Variants in SNX27 observed in about 807,000 individuals in gnomAD.
SNX27 encodes the protein sorting nexin 27, also known as sorting nexin-27.
In SNX27, 22 loss-of-function variants were observed where a neutral mutation model predicts 71.6. The observed-to-expected ratio is 0.31, with a 90% CI of 0.22 to 0.44. The LOEUF is 0.44. SNX27 is among the 20% of genes least tolerant of loss of function. The pLI is 1.00. For missense variants in SNX27, 531 were observed against 698.6 expected (o/e 0.76, Z 2.70); for synonymous variants, 269 against 277.2 (o/e 0.97, Z 0.29).
rs376664632 is a variant in SNX27 at position 151,668,503 on chromosome 1, C to T, written c.1017C>T (p.His339=). ...VRKLAPNEFP[H]KLYIQNYTSA... ...AATTGGCACCTAATGAGTTTCCTCA[C>T]AAACTCTACATTCAGAATTATACAT... The change falls in exon 7 of 12, where the codon CAC becomes CAT. Residue 339 remains histidine (H), a synonymous_variant. Transcript: ENST00000458013. 22 of 1,613,144 alleles carry T rather than the reference C, an allele frequency of 1.4e-5. No homozygotes were observed. The African/African-American group carries it at 2.3e-4, about 17-fold the overall frequency.
chr1:151,648,001 A>C (rs978086196), intron 2 of SNX27, among the ~76,000 whole-genome samples: 19 of 152,168 alleles, frequency 1.2e-4, no homozygotes, highest in Middle Eastern at 3.4e-3. Flanking sequence ...TTAAAAAAAA[A>C]AACAACAAAA....
chr1:151,676,322 T>C (rs1235545410), intron 7 of SNX27: 1 of 85,474 alleles, frequency 1.2e-5, no homozygotes, highest in Non-Finnish European at 2.2e-5. Flanking sequence ...TTTTTTTTTT[T>C]TGAGACAGAG....
intron 2 of SNX27, among the ~76,000 whole-genome samples, chr1:151,653,224 C>A (rs1228721451): frequency 6.6e-6 from 1 of 151,906 alleles, no homozygotes; most frequent in Non-Finnish European, 1.5e-5. Context: ...CCGCACCCAG[C>A]CTTTTTTTTT....
intron 1 of SNX27, among the ~76,000 whole-genome samples, chr1:151,623,601 T>C (rs570030007): frequency 1.3e-5 from 2 of 152,098 alleles, no homozygotes; most frequent in South Asian, 2.1e-4. Context: ...GGTCCCACTT[T>C]GTTGCCCAGA....
rs185831765 is a variant in SNX27, at chr1:151,657,890, A to C, written c.544-345A>C. On this transcript the variant is annotated intron_variant, in intron 2 of 11. Coordinates refer to ENST00000458013, the MANE Select transcript of SNX27 (RefSeq NM_001330723.2). ...GTGGCGGATGCCTGTAATCCCAGCTATTCAGGAGGCTGAGGCAGGAGAATT... is the reference window on the plus strand; with the variant it reads ...GTGGCGGATGCCTGTAATCCCAGCTCTTCAGGAGGCTGAGGCAGGAGAATT... 7.3e-3 allele frequency among the ~76,000 whole-genome samples: 1,107 copies of C among 152,222 alleles called. 4 individuals are homozygous for C. The highest frequency in any genetic ancestry group is 0.012 in the Non-Finnish European group (824 of 68,008).
intron 2 of SNX27, among the ~76,000 whole-genome samples, chr1:151,642,488 T>C (rs1558047534): frequency 6.6e-6 from 1 of 152,176 alleles, no homozygotes; most frequent in Non-Finnish European, 1.5e-5. Context: ...AATTTTGATA[T>C]AGTCTCGTTT....
At chr1:151,624,384 CT>C (rs1366684623) in intron 1 of SNX27, among the ~76,000 whole-genome samples, 185 of 135,654 alleles carry the variant, frequency 1.4e-3, no homozygotes, top group African/African-American at 5.0e-3. Flanking sequence ...AATAAATGAG[CT>C]TTTTTTTTCT....
intron 2 of SNX27, among the ~76,000 whole-genome samples, chr1:151,652,185 G>A (rs1669428744): frequency 7.5e-6 from 1 of 133,670 alleles, no homozygotes; most frequent in Non-Finnish European, 1.6e-5. Flanking sequence ...ACCGTGGAAA[G>A]AGAGGGAGAG....
rs1376627056 is a variant in SNX27, at chr1:151,696,804, C to T, written c.*2387C>T. ...AGCTGGGATTACAGGCATACACCAC[C>T]ACGCCCCACTAATTTTTTGTATTTT... On this transcript the variant is annotated 3_prime_UTR_variant, in exon 12 of 12. Coordinates refer to ENST00000458013, the MANE Select transcript of SNX27 (RefSeq NM_001330723.2). 6.6e-6 allele frequency: 1 copy of T among 151,996 alleles called. No homozygotes were observed. Among genetic ancestry groups the T allele is most frequent in the African/African-American group, 2.4e-5 (1 of 41,334 alleles). The allele number at this position is 151,996 out of a possible 1,614,324, so 9.4% of individuals were successfully genotyped here.
chr1:151,693,387 T>C lies in SNX27; in HGVS notation c.1519-37T>C, dbSNP rs547649312. On this transcript the variant is annotated intron_variant, in intron 10 of 11. Transcript: ENST00000458013. ...AGGCACAGTCCTGAGATGCCTGCTC[T>C]TGAGAAGTTAGTGAGTGTCACCACC... is the stretch of plus-strand genomic sequence containing the variant. 3.7e-6 allele frequency: 6 copies of C among 1,604,248 alleles called. No individual in the cohort carries two copies. The South Asian group carries it at 6.6e-5, about 18-fold the overall frequency.
At chr1:151,689,632 A>T (rs1671345998) in intron 8 of SNX27, among the ~76,000 whole-genome samples, 1 of 152,222 alleles carries the variant, frequency 6.6e-6, no homozygotes, top group Admixed American at 6.5e-5. Context: ...GCTGTATGTA[A>T]TCCTGTTTTG....
chr1:151,670,624 T>C (rs1219067808), intron 7 of SNX27, among the ~76,000 whole-genome samples: 1 of 152,192 alleles, frequency 6.6e-6, no homozygotes, highest in African/African-American at 2.4e-5. Flanking sequence ...GTAGTTTCTA[T>C]GTGCATTTCT....
intron 8 of SNX27, among the ~76,000 whole-genome samples, chr1:151,684,624 C>T (rs961698697): frequency 4.6e-5 from 7 of 152,260 alleles, no homozygotes; most frequent in East Asian, 3.9e-4. Flanking sequence ...TCTCAACTTA[C>T]GATGGGGTTA....
intron 7 of SNX27, chr1:151,676,707 G>A (rs1472173533): frequency 3.9e-5 from 6 of 151,944 alleles, no homozygotes; most frequent in African/African-American, 1.2e-4. Context: ...AATATAAGAG[G>A]ACAATAGCAC....
chr1:151,662,346 T>C, intron 5 of SNX27, 76 bp downstream of exon 5: 1 of 894,180 alleles, frequency 1.1e-6, no homozygotes, highest in Non-Finnish European at 1.8e-6. Flanking sequence ...AGTCAATACA[T>C]ATAAAGTGCT....
rs1323097458 is a variant in SNX27, at chr1:151,692,689, T to A, written c.1389+105T>A. 6.0e-6 allele frequency: 9 copies of A among 1,502,840 alleles called. No homozygotes were observed. The African/African-American group carries it at 1.3e-4, about 21-fold the overall frequency. The allele number at this position is 1,502,840 out of a possible 1,614,324, so 93.1% of individuals were successfully genotyped here. A position where few individuals can be genotyped will look rare whatever the true frequency, so the allele number is the denominator to read the frequency against. On this transcript the variant is annotated intron_variant, in intron 9 of 11. Coordinates refer to ENST00000458013, the MANE Select transcript of SNX27 (RefSeq NM_001330723.2). ...TTTTAGGGGGAAATGAAATCAAAAC[T>A]GTATTTTGACTGGGGCAAATAAACA...
intron 2 of SNX27, among the ~76,000 whole-genome samples, chr1:151,648,740 A>C (rs2337558): frequency 0.55 from 83,630 of 151,300 alleles, 24,644 homozygotes; most frequent in Non-Finnish European, 0.68. Flanking sequence ...TTTCTGATGC[A>C]CTTTATTCCT....
chr1:151,650,356 CAG>C (rs1216960793), intron 2 of SNX27, among the ~76,000 whole-genome samples: 1 of 152,120 alleles, frequency 6.6e-6, no homozygotes, highest in Non-Finnish European at 1.5e-5. Context: ...CTTTAGTTTT[CAG>C]AGTTTCATTT....
At chr1:151,649,878 ATATTTTATTTTAT>A (rs1442304816) in intron 2 of SNX27, among the ~76,000 whole-genome samples, 2 of 151,668 alleles carry the variant, frequency 1.3e-5, no homozygotes, top group African/African-American at 4.8e-5. Context: ...TCTAACTTTT[ATATTTTATTTTAT>A]TATTTTATTT....
Sources: gnomAD v4.1 joint callset for allele counts (sites outside exome capture counted in the v4.1 genomes callset) on GRCh38, gnomAD v4.1.1 for gene constraint, MANE v1.5 for transcripts, NCBI Gene and HGNC (gene_info 2026-07-23, HGNC 2026-07-21) for gene names.